RALGAPA2: variants seen among roughly 807,000 people sequenced by gnomAD.
RALGAPA2 encodes Ral GTPase activating protein catalytic subunit alpha 2.
In RALGAPA2, 139 loss-of-function variants were observed where a neutral mutation model predicts 230.4. The observed-to-expected ratio is 0.60, with a 90% CI of 0.53 to 0.69. RALGAPA2 has a LOEUF of 0.69. Among genes scored for constraint, RALGAPA2 ranks in the 30% least tolerant of loss-of-function variants. RALGAPA2 has a pLI of 0.00. For synonymous variants in RALGAPA2, 847 were observed against 837.8 expected (o/e 1.01, Z -0.19); for missense variants, 2,163 against 2,276.0 (o/e 0.95, Z 1.01).
In RALGAPA2 at chr20:20,393,065, G is replaced by T; in HGVS notation, c.*224C>A. 7.6e-7 allele frequency: 1 copy of T among 1,324,432 alleles called. No individual in the cohort carries two copies. The highest frequency in any genetic ancestry group is 4.8e-5 in the East Asian group (1 of 20,648). The allele number at this position is 1,324,432 out of a possible 1,614,324, so 82.0% of individuals were successfully genotyped here. On this transcript the variant is annotated 3_prime_UTR_variant, in exon 40 of 40. Coordinates refer to ENST00000202677, the MANE Select transcript of RALGAPA2 (RefSeq NM_020343.4). ...CTAGTTTGAGTCCCATCTGAGACAC[G>T]GTAGTGGGATTCACCATGGGCTTCA...
In RALGAPA2 at chr20:20,712,445, C is replaced by T. The variant is rs187671895; in HGVS notation, c.36G>A (p.Lys12=). 781 of 1,554,986 alleles carry T rather than the reference C, an allele frequency of 5.0e-4. 10 individuals carry two copies. The East Asian group carries it at 0.015, about 31-fold the overall frequency. The change falls in exon 1 of 40, where the codon AAG becomes AAA. Residue 12 remains lysine (K), a synonymous_variant. Transcript: ENST00000202677. The surrounding 1 kb of genome is among the most constrained non-coding windows in gnomAD (Gnocchi z 5.5). ...TCGGGTCCAGCACCTTCTGGGTGGACTTCTTCACATCCCCGTGGCTCCTTC... is the reference window on the plus strand; with the variant it reads ...TCGGGTCCAGCACCTTCTGGGTGGATTTCTTCACATCCCCGTGGCTCCTTC... ...FSRRSHGDVK[K]STQKVLDPKK... is the part of the protein sequence containing the mutation.
intron 37 of RALGAPA2, among the ~76,000 whole-genome samples, chr20:20,450,547 A>G (rs1039006238): frequency 6.6e-6 from 1 of 152,252 alleles, no homozygotes; most frequent in Non-Finnish European, 1.5e-5. Context: ...GTGTGCACAA[A>G]TGAGAAACAG....
intron 23 of RALGAPA2, among the ~76,000 whole-genome samples, chr20:20,562,660 G>A (rs1242128155): frequency 1.3e-5 from 2 of 152,106 alleles, no homozygotes; most frequent in Non-Finnish European, 2.9e-5. Context: ...CTCTGGATCA[G>A]CCTCCATGCT....
At chr20:20,402,900 C>G (rs920659899) in intron 38 of RALGAPA2, among the ~76,000 whole-genome samples, 6 of 152,192 alleles carry the variant, frequency 3.9e-5, no homozygotes, top group Non-Finnish European at 7.3e-5. Flanking sequence ...CTCTGACCTT[C>G]CTGTTCTTCC....
chr20:20,409,212 T>C (rs540329351), intron 38 of RALGAPA2, among the ~76,000 whole-genome samples: 26 of 152,296 alleles, frequency 1.7e-4, no homozygotes, highest in African/African-American at 6.3e-4. Flanking sequence ...GCACAGGCCA[T>C]TCCCACCGAG....
chr20:20,578,124 C>T (rs939749978), intron 20 of RALGAPA2, among the ~76,000 whole-genome samples: 2 of 152,252 alleles, frequency 1.3e-5, no homozygotes, highest in East Asian at 1.9e-4. Context: ...GGTACGCTGA[C>T]TTCTTTAGGA....
At chr20:20,504,649 C>G (rs1274866107) in intron 34 of RALGAPA2, among the ~76,000 whole-genome samples, 2 of 151,986 alleles carry the variant, frequency 1.3e-5, no homozygotes, top group Non-Finnish European at 2.9e-5. Context: ...TTGCTGGAAC[C>G]CGGGAGGTGG....
chr20:20,530,212 A>G, intron 27 of RALGAPA2, among the ~76,000 whole-genome samples: 1 of 152,194 alleles, frequency 6.6e-6, no homozygotes, highest in East Asian at 1.9e-4. Context: ...TCATCTGTGA[A>G]GTGGAGGTGG....
rs971846550 is a variant in RALGAPA2 at position 20,458,402 on chromosome 20, A to T, written c.5495+14427T>A. On this transcript the variant is annotated intron_variant, in intron 37 of 39. Transcript: ENST00000202677. ...CAAAAAAAATACATTTTTTATACATATAATATATGTTATATATAATATATA... is the reference window on the plus strand; with the variant it reads ...CAAAAAAAATACATTTTTTATACATTTAATATATGTTATATATAATATATA... 8.5e-4 allele frequency among the ~76,000 whole-genome samples: 121 copies of T among 141,558 alleles called. 3 individuals are homozygous for T. Among genetic ancestry groups the T allele is most frequent in the African/African-American group, 3.2e-3 (120 of 37,036 alleles). The allele number at this position is 141,558 out of a possible 152,430, so 92.9% of individuals were successfully genotyped here. A position where few individuals can be genotyped will look rare whatever the true frequency, so the allele number is the denominator to read the frequency against.
chr20:20,466,388 A>AT (rs1345540212), intron 37 of RALGAPA2, among the ~76,000 whole-genome samples: 7 of 152,088 alleles, frequency 4.6e-5, no homozygotes, highest in African/African-American at 1.7e-4. Context: ...TGGTCTGCCC[A>AT]CTCTGGTTTT....
chr20:20,673,128 T>C, intron 3 of RALGAPA2, among the ~76,000 whole-genome samples: 1 of 151,286 alleles, frequency 6.6e-6, no homozygotes. Flanking sequence ...GAGCTTGCAG[T>C]GAGCTGAGAT....
chr20:20,685,034 C>T (rs547954247), intron 1 of RALGAPA2, among the ~76,000 whole-genome samples: 10 of 150,294 alleles, frequency 6.7e-5, no homozygotes, highest in Admixed American at 1.3e-4. Flanking sequence ...TAGCAACCTG[C>T]GAAAAGAAAC....
chr20:20,436,951 G>A (rs2060629497), intron 37 of RALGAPA2, among the ~76,000 whole-genome samples: 1 of 152,146 alleles, frequency 6.6e-6, no homozygotes, highest in Non-Finnish European at 1.5e-5. Flanking sequence ...AGCCGCACCG[G>A]GGAGACCAAG....
intron 33 of RALGAPA2, among the ~76,000 whole-genome samples, chr20:20,509,363 T>TTAA (rs2062632615): frequency 1.3e-5 from 2 of 152,214 alleles, no homozygotes; most frequent in Non-Finnish European, 2.9e-5. Context: ...ACAAAGACAT[T>TTAA]TAAAATGGCA....
chr20:20,537,014 T>C (rs2063515772), intron 24 of RALGAPA2, among the ~76,000 whole-genome samples: 1 of 152,192 alleles, frequency 6.6e-6, no homozygotes, highest in Non-Finnish European at 1.5e-5. Flanking sequence ...TGGAAACTGA[T>C]CTGCAGATTC....
intron 2 of RALGAPA2, among the ~76,000 whole-genome samples, chr20:20,677,704 C>T (rs1439974595): frequency 5.7e-5 from 7 of 123,170 alleles, no homozygotes; most frequent in South Asian, 2.8e-4. Context: ...AGTGCAGTGG[C>T]GCGATCTCGG....
intron 10 of RALGAPA2, among the ~76,000 whole-genome samples, chr20:20,628,810 T>C (rs1019772894): frequency 4.6e-5 from 7 of 152,302 alleles, no homozygotes; most frequent in African/African-American, 1.7e-4. Context: ...TCTGTCTCCT[T>C]CCTTTGCTCA....
At chr20:20,442,185 C>A (rs967724379) in intron 37 of RALGAPA2, among the ~76,000 whole-genome samples, 1 of 152,176 alleles carries the variant, frequency 6.6e-6, no homozygotes, top group Admixed American at 6.5e-5. Context: ...TCTGTGCTTT[C>A]GCTTCTTTCT....
chr20:20,432,959 C>T (rs2060530521), intron 37 of RALGAPA2, among the ~76,000 whole-genome samples: 1 of 152,216 alleles, frequency 6.6e-6, no homozygotes, highest in African/African-American at 2.4e-5. Flanking sequence ...TGGAGGTGCA[C>T]ATCTGGCTCA....
Sources: allele counts gnomAD v4.1 joint callset (sites outside exome capture counted in the v4.1 genomes callset), GRCh38; gene constraint gnomAD v4.1.1; non-coding constraint Gnocchi (gnomAD v3.1); transcripts MANE v1.5; gene names NCBI Gene and HGNC (gene_info 2026-07-23, HGNC 2026-07-21).